The following UNC5D variants were observed in gnomAD, a reference collection of about 807,000 sequenced individuals.
UNC5D encodes unc-5 netrin receptor D.
In UNC5D, 39 loss-of-function variants were observed where a neutral mutation model predicts 105.4. That is an observed-to-expected ratio of 0.37 (90% CI 0.29 to 0.48). The LOEUF is 0.48. UNC5D is among the 20% of genes least tolerant of loss of function. UNC5D has a pLI of 0.98. For missense variants in UNC5D, 991 were observed against 1,202.4 expected, an observed-to-expected ratio of 0.82 and a Z score of 2.60; for synonymous variants, 452 against 450.4, an observed-to-expected ratio of 1.00 and a Z score of -0.04.
At chr8:35,460,917 A>C (rs1808840956) in intron 1 of UNC5D, among the ~76,000 whole-genome samples, 1 of 152,190 alleles carries the variant, frequency 6.6e-6, no homozygotes, top group Non-Finnish European at 1.5e-5. Context: ...TCCTCCATCC[A>C]GTGGTCTATT....
At chr8:35,734,335 C>CAAAAAAAAAA (rs10657691) in intron 11 of UNC5D, among the ~76,000 whole-genome samples, 4 of 28,288 alleles carry the variant, frequency 1.4e-4, no homozygotes, top group African/African-American at 4.2e-4. Context: ...TAATCACTGT[C>CAAAAAAAAAA]AAAAAAAAAA....
intron 11 of UNC5D, among the ~76,000 whole-genome samples, chr8:35,737,325 G>A (rs1487547253): frequency 6.9e-6 from 1 of 145,970 alleles, no homozygotes; most frequent in Non-Finnish European, 1.5e-5. Flanking sequence ...AGGAATTGAA[G>A]ATAATTCCCA....
intron 1 of UNC5D, among the ~76,000 whole-genome samples, chr8:35,379,920 C>T (rs1383818720): frequency 3.3e-5 from 5 of 151,666 alleles, no homozygotes; most frequent in Admixed American, 3.3e-4. Context: ...TTAGGCAGCT[C>T]CTGCTTCCAT....
At chr8:35,460,934 A>G (rs16883954) in intron 1 of UNC5D, among the ~76,000 whole-genome samples, 6,932 of 152,298 alleles carry the variant, frequency 0.046, 526 homozygotes, top group African/African-American at 0.16. Flanking sequence ...TATTTGGAAA[A>G]CAAAACAGGG....
chr8:35,772,229 T>C (rs1176256951), intron 15 of UNC5D, among the ~76,000 whole-genome samples: 46 of 152,166 alleles, frequency 3.0e-4, no homozygotes, highest in Non-Finnish European at 4.4e-5. Context: ...TTTCTTGGAA[T>C]CTCTTCTGAG....
At chr8:35,406,957 T>A (rs1226789325) in intron 1 of UNC5D, among the ~76,000 whole-genome samples, 1 of 152,160 alleles carries the variant, frequency 6.6e-6, no homozygotes, top group Non-Finnish European at 1.5e-5. Context: ...TATATATGTA[T>A]ACATATATGA....
chr8:35,751,139 G>T (rs1351353703), intron 13 of UNC5D, among the ~76,000 whole-genome samples: 2 of 152,100 alleles, frequency 1.3e-5, no homozygotes, highest in Admixed American at 6.5e-5. Flanking sequence ...GTGCTGACTG[G>T]TTGCTTCAGA....
chr8:35,456,525 C>G (rs1808505732), intron 1 of UNC5D, among the ~76,000 whole-genome samples: 1 of 152,148 alleles, frequency 6.6e-6, no homozygotes, highest in Admixed American at 6.5e-5. Flanking sequence ...TTCACTTCTA[C>G]CTAACATTGG....
intron 4 of UNC5D, among the ~76,000 whole-genome samples, chr8:35,657,045 AGTGTGTGTGTGTGTGTGTGTGT>A: frequency 1.4e-5 from 1 of 70,876 alleles, no homozygotes; most frequent in Non-Finnish European, 2.5e-5. Flanking sequence ...AGTGCAGTGG[AGTGTGTGTGTGTGTGTGTGTGT>A]GTGTGTGTGT....
At chr8:35,266,048 T>C (rs1554498017) in intron 1 of UNC5D, among the ~76,000 whole-genome samples, 1 of 152,072 alleles carries the variant, frequency 6.6e-6, no homozygotes, top group Non-Finnish European at 1.5e-5. Flanking sequence ...TTTCTGACTG[T>C]ATGTGTTTAA....
chr8:35,514,814 C>T (rs1813006301), intron 1 of UNC5D, among the ~76,000 whole-genome samples: 1 of 152,218 alleles, frequency 6.6e-6, no homozygotes, highest in African/African-American at 2.4e-5. Flanking sequence ...AGTTATTGCA[C>T]ATTCATTTTT....
intron 1 of UNC5D, among the ~76,000 whole-genome samples, chr8:35,528,316 G>A (rs1430145272): frequency 6.0e-5 from 9 of 150,644 alleles, no homozygotes; most frequent in Admixed American, 1.3e-4. Flanking sequence ...TTGTTCTTGC[G>A]ATAGTTTACT....
chr8:35,332,408 C>G (rs1398087794), intron 1 of UNC5D, among the ~76,000 whole-genome samples: 1 of 152,032 alleles, frequency 6.6e-6, no homozygotes, highest in African/African-American at 2.4e-5. Context: ...GAGGCAGCAA[C>G]AACAACAAGA....
At chr8:35,626,280 C>G (rs1821696103) in intron 4 of UNC5D, among the ~76,000 whole-genome samples, 1 of 151,564 alleles carries the variant, frequency 6.6e-6, no homozygotes, top group South Asian at 2.1e-4. Flanking sequence ...TCTTAACGTA[C>G]TTTACGAGTG....
Position 35,376,434 on chromosome 8 carries a change from G to A in UNC5D, c.103+140547G>A, listed in dbSNP as rs559065706. Among the ~76,000 whole-genome samples the A allele has an allele frequency of 3.9e-5, 6 of 152,228 alleles. No individual in the cohort carries two copies. The South Asian group carries it at 1.2e-3, about 32-fold the overall frequency. On this transcript the variant is annotated intron_variant, in intron 1 of 16. Coordinates refer to ENST00000404895, the MANE Select transcript of UNC5D (RefSeq NM_080872.4). The stretch of plus-strand genomic sequence containing the variant: ...GGTGAGACTAAACCCCGGACCCAGG[G>A]GTGAGTGAGTAAACAGTGTAAATTG...
intron 16 of UNC5D, among the ~76,000 whole-genome samples, chr8:35,781,730 T>C (rs1382717187): frequency 2.6e-5 from 4 of 152,320 alleles, no homozygotes; most frequent in South Asian, 2.1e-4. Context: ...ATTTCCCAAA[T>C]TGAGAAACTG....
intron 11 of UNC5D, among the ~76,000 whole-genome samples, chr8:35,736,226 T>C (rs556608253): frequency 1.3e-4 from 20 of 152,088 alleles, no homozygotes; most frequent in Non-Finnish European, 2.1e-4. Context: ...ACAAAATTAA[T>C]AGGGCATGGG....
chr8:35,605,213 TG>T (rs754656102), intron 4 of UNC5D, among the ~76,000 whole-genome samples: 64 of 152,198 alleles, frequency 4.2e-4, no homozygotes, highest in Admixed American at 9.8e-4. Context: ...GATGTACAGA[TG>T]GGTTTTTGGT....
intron 1 of UNC5D, among the ~76,000 whole-genome samples, chr8:35,400,069 A>T (rs1211009090): frequency 6.6e-6 from 1 of 152,134 alleles, no homozygotes; most frequent in Non-Finnish European, 1.5e-5. Flanking sequence ...ATGAAAAGTC[A>T]ACCCTGGTGA....
Sources: allele counts gnomAD v4.1 joint callset (sites outside exome capture counted in the v4.1 genomes callset), GRCh38; gene constraint gnomAD v4.1.1; transcripts MANE v1.5; gene names NCBI Gene and HGNC (gene_info 2026-07-23, HGNC 2026-07-21).